MIPEP: variants seen among roughly 807,000 people sequenced by gnomAD.
MIPEP encodes the protein mitochondrial intermediate peptidase.
In MIPEP, 79 loss-of-function variants were observed where a neutral mutation model predicts 90.3. The ratio of observed to expected loss-of-function variants is 0.87; its 90% CI spans 0.73 to 1.05. MIPEP has a LOEUF of 1.05. Among genes scored for constraint, MIPEP ranks in the 50% least tolerant of loss-of-function variants. The probability of loss-of-function intolerance (pLI) is 0.00; values close to 1 mark genes in which losing one functional copy is unlikely to be tolerated. For synonymous variants in MIPEP, 334 were observed against 315.8 expected (o/e 1.06, Z -0.61); for missense variants, 940 against 905.6 (o/e 1.04, Z -0.49).
At chr13:23,783,034 G>A (rs1455960763) in intron 16 of MIPEP, among the ~76,000 whole-genome samples, 26 of 152,170 alleles carry the variant, frequency 1.7e-4, no homozygotes, top group Non-Finnish European at 3.2e-4. Context: ...GGTACAAGGA[G>A]GAGCTGGTAC....
chr13:23,785,624 TA>T (rs67915328), intron 16 of MIPEP, among the ~76,000 whole-genome samples: 69,106 of 119,172 alleles, frequency 0.58, 17,488 homozygotes, highest in South Asian at 0.68. Context: ...TAAAGTATAA[TA>T]AAAAAAAAAA....
At chr13:23,754,976 G>A (rs1256012724) in intron 18 of MIPEP, among the ~76,000 whole-genome samples, 1 of 152,154 alleles carries the variant, frequency 6.6e-6, no homozygotes, top group Non-Finnish European at 1.5e-5. Context: ...TCAATCCCTG[G>A]CTCTTCCACA....
At chr13:23,794,108 C>CTATCCATGA (rs1387241837) in intron 16 of MIPEP, among the ~76,000 whole-genome samples, 1 of 152,100 alleles carries the variant, frequency 6.6e-6, no homozygotes, top group Admixed American at 6.5e-5. Context: ...TAGAGCTGCT[C>CTATCCATGA]TATCCATGAG....
rs1429781041 is a variant in MIPEP, at chr13:23,889,147, C to A, written c.174G>T (p.Leu58=). The change falls in exon 1 of 19, where the codon CTG becomes CTT. Residue 58 remains leucine, a synonymous_variant. Coordinates refer to ENST00000382172, the MANE Select transcript of MIPEP (RefSeq NM_005932.4). ...NVKPQGSRLD[L]FGERRGLFGV... Reference sequence around the variant, plus strand: ...CGCCGCTCACCCGGCGCTCGCCGAACAGGTCCAAGCGGCTGCCCTGGGGCT... The same window carrying A: ...CGCCGCTCACCCGGCGCTCGCCGAAAAGGTCCAAGCGGCTGCCCTGGGGCT... The A allele has an allele frequency of 2.8e-6, 4 of 1,442,140 alleles. No homozygotes were observed. Among genetic ancestry groups the A allele is most frequent in the Non-Finnish European group, 2.7e-6 (3 of 1,098,674 alleles). The allele number at this position is 1,442,140 out of a possible 1,614,324, so 89.3% of individuals were successfully genotyped here. A position where few individuals can be genotyped will look rare whatever the true frequency, so the allele number is the denominator to read the frequency against.
chr13:23,806,899 A>G (rs1415066161), intron 15 of MIPEP, among the ~76,000 whole-genome samples: 1 of 152,308 alleles, frequency 6.6e-6, no homozygotes, highest in East Asian at 1.9e-4. Context: ...GTTTTGTGAT[A>G]AAAGGTGAAA....
At chr13:23,856,723 G>A (rs1357006146) in intron 10 of MIPEP, among the ~76,000 whole-genome samples, 1 of 152,050 alleles carries the variant, frequency 6.6e-6, no homozygotes, top group East Asian at 1.9e-4. Context: ...ACCAGATCCT[G>A]TTCTGGTCAG....
chr13:23,852,931 T>C (rs570061922), intron 10 of MIPEP, among the ~76,000 whole-genome samples: 1 of 152,206 alleles, frequency 6.6e-6, no homozygotes, highest in South Asian at 2.1e-4. Flanking sequence ...TGTGTCTTGG[T>C]TTATAACAAA....
chr13:23,853,889 T>A (rs189004302), intron 10 of MIPEP, among the ~76,000 whole-genome samples: 1 of 151,464 alleles, frequency 6.6e-6, no homozygotes, highest in African/African-American at 2.4e-5. Context: ...TCAGAATGTA[T>A]CCCTGTCATT....
intron 18 of MIPEP, among the ~76,000 whole-genome samples, chr13:23,744,989 T>C (rs1952368099): frequency 6.6e-6 from 1 of 152,226 alleles, no homozygotes. Context: ...TTTAAACTGC[T>C]AGAAAGGGAA....
At chr13:23,823,863 G>C (rs1446586938) in intron 14 of MIPEP, among the ~76,000 whole-genome samples, 1 of 152,126 alleles carries the variant, frequency 6.6e-6, no homozygotes, top group South Asian at 2.1e-4. Flanking sequence ...TTGGACAATA[G>C]ATCATATTGT....
chr13:23,806,650 C>G (rs1360899878), intron 15 of MIPEP, among the ~76,000 whole-genome samples: 1 of 151,838 alleles, frequency 6.6e-6, no homozygotes, highest in Non-Finnish European at 1.5e-5. Context: ...TGCACTCCAG[C>G]CTGGGAGAGA....
intron 14 of MIPEP, among the ~76,000 whole-genome samples, chr13:23,818,005 C>A (rs938067533): frequency 5.9e-5 from 9 of 151,976 alleles, no homozygotes; most frequent in African/African-American, 2.2e-4. Context: ...TGAGGTTAGG[C>A]ACATTAAAAC....
intron 17 of MIPEP, among the ~76,000 whole-genome samples, chr13:23,759,271 C>T (rs1952515548): frequency 6.6e-6 from 1 of 152,088 alleles, no homozygotes; most frequent in Non-Finnish European, 1.5e-5. Context: ...TACATCTCTC[C>T]AGCCAGCATG....
At chr13:23,875,028 AC>A in intron 4 of MIPEP, 119 bp from the exon 5 acceptor site, 1 of 47,122 alleles carries the variant, frequency 2.1e-5, no homozygotes, top group South Asian at 8.2e-4. Flanking sequence ...TTTCTTCAAA[AC>A]ACACACACAC....
At chr13:23,769,653 G>A (rs932844056) in intron 16 of MIPEP, among the ~76,000 whole-genome samples, 2 of 152,216 alleles carry the variant, frequency 1.3e-5, no homozygotes, top group South Asian at 2.1e-4. Context: ...CCAGGTCTCC[G>A]CCTGCCGTGG....
At position 23,738,438 on chromosome 13, in the gene MIPEP, A is replaced by C. The variant is rs575896895; in HGVS notation, c.2045-7993T>G. On this transcript the variant is annotated intron_variant, in intron 18 of 18. Coordinates refer to ENST00000382172, the MANE Select transcript of MIPEP (RefSeq NM_005932.4). ...AGATCCCTGTATATATTATATATAA[A>C]AATTACTGAGTTTTTTTTTTTTTTT... 4.1e-3 allele frequency among the ~76,000 whole-genome samples: 626 copies of C among 150,854 alleles called. 2 individuals are homozygous for C. Among genetic ancestry groups the C allele is most frequent in the South Asian group, 0.024 (117 of 4,814 alleles).
intron 16 of MIPEP, 85 bp downstream of exon 16, chr13:23,805,865 C>T: frequency 6.9e-7 from 1 of 1,454,694 alleles, no homozygotes; most frequent in Non-Finnish European, 9.4e-7. Flanking sequence ...ATTTCAAGTT[C>T]TCCAAAGGGG....
intron 18 of MIPEP, among the ~76,000 whole-genome samples, chr13:23,750,330 G>A (rs1952429568): frequency 1.3e-5 from 2 of 152,138 alleles, no homozygotes; most frequent in African/African-American, 2.4e-5. Flanking sequence ...GACCAACCAG[G>A]GGACCATACT....
rs1200403770 is a variant in MIPEP at position 23,839,799 on chromosome 13, G to A, written c.1261-73C>T. 3.8e-6 allele frequency: 4 copies of A among 1,049,120 alleles called. No homozygotes were observed. In the East Asian group the frequency reaches 7.2e-5, roughly 19 times the overall value. The allele number at this position is 1,049,120 out of a possible 1,614,324, so 65.0% of individuals were successfully genotyped here. ...TCTAAAATCCCTAACACAAGAATCTGTATATTAAACATCCATAGCCACACA... is the reference window on the plus strand; with the variant it reads ...TCTAAAATCCCTAACACAAGAATCTATATATTAAACATCCATAGCCACACA... On this transcript the variant is annotated intron_variant, in intron 11 of 18. Transcript: ENST00000382172.
Sources: gnomAD v4.1 joint callset for allele counts (sites outside exome capture counted in the v4.1 genomes callset) on GRCh38, gnomAD v4.1.1 for gene constraint, MANE v1.5 for transcripts, NCBI Gene and HGNC (gene_info 2026-07-23, HGNC 2026-07-21) for gene names.